RABGAP1L: variants seen among roughly 807,000 people sequenced by gnomAD.
The protein encoded by RABGAP1L is RAB GTPase activating protein 1 like.
A neutral mutation model predicts 137.7 loss-of-function variants in RABGAP1L; 63 were observed. The ratio of observed to expected loss-of-function variants is 0.46; its 90% confidence interval spans 0.37 to 0.56. The LOEUF (loss-of-function observed/expected upper bound fraction) is 0.56. Among genes scored for constraint, RABGAP1L ranks in the 20% least tolerant of loss-of-function variants. RABGAP1L has a pLI of 0.00. For missense variants in RABGAP1L, 1,095 were observed against 1,244.0 expected (o/e 0.88, Z 1.80); for synonymous variants, 431 against 433.7 (o/e 0.99, Z 0.08).
rs1430933461 is a variant in RABGAP1L, at chr1:174,994,648, T to C, written c.*4647T>C. ...AGAATATAAATGCATCGAAAGACTC[T>C]GGTGTCATGAAAGCACAAGAATAAG... is the stretch of plus-strand genomic sequence containing the variant. On this transcript the variant is annotated 3_prime_UTR_variant, in exon 26 of 26. Coordinates refer to ENST00000681986, the MANE Select transcript of RABGAP1L (RefSeq NM_001366446.1). 1 of 152,220 alleles carries C rather than the reference T, an allele frequency of 6.6e-6. No homozygotes were observed. The highest frequency in any genetic ancestry group is 1.9e-4 in the East Asian group (1 of 5,198). The allele number at this position is 152,220 out of a possible 1,614,324, so 9.4% of individuals were successfully genotyped here. A position where few individuals can be genotyped will look rare whatever the true frequency, so the allele number is the denominator to read the frequency against.
intron 19 of RABGAP1L, among the ~76,000 whole-genome samples, 153 bp downstream of exon 19, chr1:174,812,113 C>A (rs1689932731): frequency 6.6e-6 from 1 of 152,116 alleles, no homozygotes; most frequent in Admixed American, 6.5e-5. Context: ...GTTTGTCAGG[C>A]TAATGTGTGT....
At chr1:174,934,224 G>C (rs1022722679) in intron 19 of RABGAP1L, among the ~76,000 whole-genome samples, 3 of 151,854 alleles carry the variant, frequency 2.0e-5, no homozygotes, top group African/African-American at 7.3e-5. Context: ...AAGTAGCTGG[G>C]GTTACAGGCA....
chr1:174,509,684 A>G (rs1662155857), intron 13 of RABGAP1L, among the ~76,000 whole-genome samples: 1 of 152,170 alleles, frequency 6.6e-6, no homozygotes, highest in South Asian at 2.1e-4. Context: ...GGACTCCAAA[A>G]TTGTATTTCC....
chr1:174,746,808 G>C (rs1197017203), intron 17 of RABGAP1L, among the ~76,000 whole-genome samples: 1 of 152,148 alleles, frequency 6.6e-6, no homozygotes, highest in East Asian at 1.9e-4. Context: ...GTATAAAATG[G>C]AATTTTAGGT....
chr1:174,486,571 C>A (rs1036725893), intron 13 of RABGAP1L, among the ~76,000 whole-genome samples: 1 of 152,026 alleles, frequency 6.6e-6, no homozygotes, highest in African/African-American at 2.4e-5. Flanking sequence ...TGGTCTCGAT[C>A]CCCTGACCTC....
At position 174,356,059 on chromosome 1, in the gene RABGAP1L, A is replaced by G. The variant is rs749174671; in HGVS notation, c.1466-14920A>G. 3.3e-5 allele frequency among the ~76,000 whole-genome samples: 5 copies of G among 152,180 alleles called. No homozygotes were observed. The South Asian group carries it at 6.2e-4, about 19-fold the overall frequency. ...TTATATTGCATTTAAGGTCATACACATGTGGTTTTGGTCTTTCACAGTTCA... is the reference window on the plus strand; with the variant it reads ...TTATATTGCATTTAAGGTCATACACGTGTGGTTTTGGTCTTTCACAGTTCA... On this transcript the variant is annotated intron_variant, in intron 11 of 25. Transcript: ENST00000681986.
At chr1:174,849,864 T>G (rs1647949166) in intron 19 of RABGAP1L, 1 of 563,354 alleles carries the variant, frequency 1.8e-6, no homozygotes, top group African/African-American at 1.9e-5. Context: ...ATTTATCATA[T>G]TAAAGTGATG....
chr1:174,225,862 TAG>T (rs1303405887), intron 3 of RABGAP1L, among the ~76,000 whole-genome samples: 2 of 152,166 alleles, frequency 1.3e-5, no homozygotes, highest in African/African-American at 2.4e-5. Context: ...GGAAAAATAA[TAG>T]AGTTTTTCTT....
At chr1:174,425,121 A>T (rs746312128) in intron 13 of RABGAP1L, among the ~76,000 whole-genome samples, 1 of 151,946 alleles carries the variant, frequency 6.6e-6, no homozygotes, top group Non-Finnish European at 1.5e-5. Context: ...TTTTCATTGG[A>T]ATTTGTTGTA....
chr1:174,803,179 G>A (rs1282331250), intron 18 of RABGAP1L, among the ~76,000 whole-genome samples: 1 of 152,060 alleles, frequency 6.6e-6, no homozygotes, highest in African/African-American at 2.4e-5. Context: ...ATTCACAGAG[G>A]GATCGTCAAA....
At chr1:174,472,319 C>G (rs1047148747) in intron 13 of RABGAP1L, among the ~76,000 whole-genome samples, 1 of 152,074 alleles carries the variant, frequency 6.6e-6, no homozygotes, top group Admixed American at 6.6e-5. Context: ...AGAGAAGGGT[C>G]CATGGGACCT....
chr1:174,925,859 G>GTT (rs11340680), intron 19 of RABGAP1L, among the ~76,000 whole-genome samples: 1 of 128,840 alleles, frequency 7.8e-6, no homozygotes, highest in Non-Finnish European at 1.7e-5. Flanking sequence ...TTTGTTGTTG[G>GTT]TTTTTTTTTT....
chr1:174,880,589 C>T (rs758928665), intron 19 of RABGAP1L, among the ~76,000 whole-genome samples: 10 of 151,478 alleles, frequency 6.6e-5, no homozygotes, highest in Non-Finnish European at 1.3e-4. Flanking sequence ...TCCTTCCTCC[C>T]TGCCTCTCTT....
intron 13 of RABGAP1L, among the ~76,000 whole-genome samples, chr1:174,589,083 C>G (rs765848377): frequency 2.0e-5 from 3 of 152,148 alleles, no homozygotes; most frequent in Admixed American, 6.5e-5. Context: ...TACAAGAGTT[C>G]CCTTTTCTCC....
chr1:174,553,889 G>A (rs1666711125), intron 13 of RABGAP1L, among the ~76,000 whole-genome samples: 1 of 152,160 alleles, frequency 6.6e-6, no homozygotes, highest in South Asian at 2.1e-4. Flanking sequence ...CTCCTTGGCA[G>A]GGCTGAGGTG....
intron 13 of RABGAP1L, among the ~76,000 whole-genome samples, chr1:174,513,255 G>T (rs898190937): frequency 6.6e-6 from 1 of 151,966 alleles, no homozygotes; most frequent in African/African-American, 2.4e-5. Flanking sequence ...ACTTGTATTT[G>T]GTTTGAAATA....
intron 19 of RABGAP1L, chr1:174,850,090 G>A (rs1294855460): frequency 9.7e-6 from 5 of 515,736 alleles, no homozygotes; most frequent in Non-Finnish European, 1.9e-5. Context: ...TTGGGAGGGG[G>A]CTTCATCTTG....
intron 13 of RABGAP1L, among the ~76,000 whole-genome samples, chr1:174,447,158 T>TA (rs1300983336): frequency 8.5e-5 from 13 of 152,208 alleles, no homozygotes; most frequent in African/African-American, 2.9e-4. Context: ...AGGTATAAGT[T>TA]ACGTTGCTGT....
intron 10 of RABGAP1L, among the ~76,000 whole-genome samples, chr1:174,304,785 A>C (rs1379402827): frequency 6.6e-6 from 1 of 152,248 alleles, no homozygotes; most frequent in African/African-American, 2.4e-5. Context: ...TTAGTTAAAA[A>C]TAATACTAGA....
Sources: allele counts gnomAD v4.1 joint callset (sites outside exome capture counted in the v4.1 genomes callset), GRCh38; gene constraint gnomAD v4.1.1; transcripts MANE v1.5; gene names NCBI Gene and HGNC (gene_info 2026-07-23, HGNC 2026-07-21).